STAM2: variants seen among roughly 807,000 people sequenced by gnomAD.
The protein encoded by STAM2 is signal transducing adaptor molecule 2.
In STAM2, 51 loss-of-function variants were observed where a neutral mutation model predicts 65.6. That is an observed-to-expected ratio of 0.78 (90% confidence interval 0.62 to 0.98). The LOEUF is 0.98. Ranked by LOEUF, STAM2 falls within the 50% of genes least tolerant of loss-of-function variation. STAM2 has a pLI of 0.00. For synonymous variants in STAM2, 198 were observed against 208.4 expected (o/e 0.95, Z 0.43); for missense variants, 584 against 617.8 (o/e 0.95, Z 0.58).
chr2:152,173,403 TA>T (rs1281287376), intron 1 of STAM2, among the ~76,000 whole-genome samples: 8 of 97,398 alleles, frequency 8.2e-5, no homozygotes, highest in African/African-American at 2.4e-4. Context: ...CATATATATA[TA>T]TATTTTTTTT....
chr2:152,162,913 G>C (rs9917176), intron 1 of STAM2, among the ~76,000 whole-genome samples: 2,630 of 152,114 alleles, frequency 0.017, 68 homozygotes, highest in African/African-American at 0.06. Context: ...GCCCGCCTCA[G>C]CCTCCCAAAG....
At chr2:152,147,355 A>C in intron 4 of STAM2, 47 bp from the exon 5 acceptor site, 1 of 1,468,234 alleles carries the variant, frequency 6.8e-7, no homozygotes, top group Non-Finnish European at 9.1e-7. Flanking sequence ...TACGGTTAAA[A>C]TAAGTACTTA....
intron 13 of STAM2, among the ~76,000 whole-genome samples, chr2:152,122,074 ATATGTGTGTGTGTGTG>A (rs1456844031): frequency 1.5e-5 from 2 of 135,558 alleles, no homozygotes; most frequent in Non-Finnish European, 3.1e-5. Flanking sequence ...ATATATATAT[ATATGTGTGTGTGTGTG>A]TGTGTGTGTG....
rs1689104117 is a variant in STAM2, at chr2:152,133,569, A to G, written c.800-85T>C. 4 of 982,136 alleles carry G rather than the reference A, an allele frequency of 4.1e-6. No homozygotes were observed. The South Asian group carries it at 4.4e-5, about 11-fold the overall frequency. The allele number at this position is 982,136 out of a possible 1,614,324, so 60.8% of individuals were successfully genotyped here. ...ATTTATAAGTGGCCTATGATTGTCC[A>G]TAAGAAAAAAAAATAAAAGTCCTTC... is the stretch of plus-strand genomic sequence containing the variant. On this transcript the variant is annotated intron_variant, in intron 8 of 13. Coordinates refer to ENST00000263904, the MANE Select transcript of STAM2 (RefSeq NM_005843.6).
intron 1 of STAM2, among the ~76,000 whole-genome samples, chr2:152,159,155 A>T (rs1042913413): frequency 1.4e-5 from 2 of 146,780 alleles, no homozygotes; most frequent in Non-Finnish European, 3.0e-5. Context: ...CAGAAACAAG[A>T]AGCTGGGCAC....
intron 1 of STAM2, among the ~76,000 whole-genome samples, chr2:152,164,492 G>A (rs376861849): frequency 7.9e-5 from 12 of 152,220 alleles, no homozygotes; most frequent in South Asian, 2.1e-4. Flanking sequence ...ACAGGCATGC[G>A]CCACCACGCC....
At chr2:152,124,076 G>A in intron 12 of STAM2, 141 bp from the exon 13 acceptor site, 2 of 680,324 alleles carry the variant, frequency 2.9e-6, no homozygotes, top group Non-Finnish European at 2.4e-6. Context: ...ATCCATCTTA[G>A]AACTAAAAGT....
intron 1 of STAM2, among the ~76,000 whole-genome samples, chr2:152,173,789 T>C (rs1228102799): frequency 6.6e-6 from 1 of 152,232 alleles, no homozygotes; most frequent in Non-Finnish European, 1.5e-5. Flanking sequence ...GCAAGTCCAA[T>C]TTGAGCTCTT....
rs368898562 is a variant in STAM2, at chr2:152,175,679, C to T, written c.-37G>A. The T allele has an allele frequency of 4.4e-6, 7 of 1,596,154 alleles. No individual in the cohort carries two copies. The South Asian group carries it at 4.5e-5, about 10-fold the overall frequency. The stretch of plus-strand genomic sequence containing the variant: ...CCGAGCCCTAGTCGCTGCTGTCTAG[C>T]TGACACTCAGCAACTGCTACCCGCC... On this transcript the variant is annotated 5_prime_UTR_variant, in exon 1 of 14. Transcript: ENST00000263904.
At chr2:152,135,669 T>A in intron 7 of STAM2, 66 bp from the exon 8 acceptor site, 1 of 1,088,712 alleles carries the variant, frequency 9.2e-7, no homozygotes, top group Non-Finnish European at 1.4e-6. Context: ...AAAGATGAAT[T>A]AAAAATTAAA....
At chr2:152,122,076 A>ATATG (rs1161311169) in intron 13 of STAM2, among the ~76,000 whole-genome samples, 31 of 103,736 alleles carry the variant, frequency 3.0e-4, no homozygotes, top group South Asian at 1.3e-3. Context: ...ATATATATAT[A>ATATG]TGTGTGTGTG....
In STAM2 at chr2:152,149,549, G is replaced by A. The variant is rs545211138; in HGVS notation, c.125+596C>T. Among the ~76,000 whole-genome samples the A allele has an allele frequency of 4.7e-5, 7 of 147,686 alleles. No individual in the cohort carries two copies. The East Asian group carries it at 1.2e-3, about 26-fold the overall frequency. ...GTCTCGCTCTACCGTCCAGGCTGGAGTGCAGTGGTGCCATCTCGGCTCACT... is the reference window on the plus strand; with the variant it reads ...GTCTCGCTCTACCGTCCAGGCTGGAATGCAGTGGTGCCATCTCGGCTCACT... On this transcript the variant is annotated intron_variant, in intron 2 of 13. Coordinates refer to ENST00000263904, the MANE Select transcript of STAM2 (RefSeq NM_005843.6).
chr2:152,162,779 T>C (rs958900713), intron 1 of STAM2, among the ~76,000 whole-genome samples: 10 of 151,450 alleles, frequency 6.6e-5, no homozygotes, highest in African/African-American at 2.2e-4. Context: ...GTAGCTGGGA[T>C]ATAGGCGCAC....
At chr2:152,147,924 G>T in intron 4 of STAM2, 100 bp downstream of exon 4, 1 of 885,054 alleles carries the variant, frequency 1.1e-6, no homozygotes, top group Non-Finnish European at 1.7e-6. Context: ...ATCTAAAAAT[G>T]ACTTCATTTA....
At chr2:152,131,314 G>A (rs375897113) in intron 11 of STAM2, among the ~76,000 whole-genome samples, 1 of 152,038 alleles carries the variant, frequency 6.6e-6, no homozygotes, top group Admixed American at 6.6e-5. Context: ...TTAGCCAGGT[G>A]TGGTGGTGCA....
intron 11 of STAM2, among the ~76,000 whole-genome samples, chr2:152,130,162 G>A (rs560993906): frequency 6.6e-6 from 1 of 152,176 alleles, no homozygotes; most frequent in Non-Finnish European, 1.5e-5. Flanking sequence ...ACTTCAGATA[G>A]AGAGCTGAGA....
chr2:152,148,397 T>A, intron 2 of STAM2, 97 bp from the exon 3 acceptor site: 1 of 987,096 alleles, frequency 1.0e-6, no homozygotes, highest in Non-Finnish European at 1.5e-6. Flanking sequence ...ATTTTATATT[T>A]AATGGCTCAT....
At chr2:152,168,474 G>A (rs921889529) in intron 1 of STAM2, among the ~76,000 whole-genome samples, 7 of 151,822 alleles carry the variant, frequency 4.6e-5, no homozygotes, top group East Asian at 1.9e-4. Flanking sequence ...CCTATTACAC[G>A]CAACACCTCT....
intron 7 of STAM2, 99 bp from the exon 8 acceptor site, chr2:152,135,702 C>A: frequency 2.7e-6 from 2 of 735,770 alleles, no homozygotes; most frequent in South Asian, 3.6e-5. Context: ...TGAATATATC[C>A]GTTTACAAGC....
Sources: gnomAD v4.1 joint callset for allele counts (sites outside exome capture counted in the v4.1 genomes callset) on GRCh38, gnomAD v4.1.1 for gene constraint, MANE v1.5 for transcripts, NCBI Gene and HGNC (gene_info 2026-07-23, HGNC 2026-07-21) for gene names.